Variants in ZNF511 observed in about 807,000 individuals in gnomAD.
The protein encoded by ZNF511 is zinc finger protein 511.
A neutral mutation model predicts 24.8 loss-of-function variants in ZNF511; 26 were observed. The observed-to-expected ratio is 1.05, with a 90% CI of 0.77 to 1.46. The LOEUF is 1.46. ZNF511 is among the 40% of genes most tolerant of loss of function. ZNF511 has a pLI of 0.00. For synonymous variants in ZNF511, 144 were observed against 139.6 expected, an observed-to-expected ratio of 1.03 and a Z score of -0.22; for missense variants, 358 against 345.0, an observed-to-expected ratio of 1.04 and a Z score of -0.30.
intron 1 of ZNF511, 34 bp downstream of exon 1, chr10:133,309,130 G>A: frequency 2.2e-6 from 3 of 1,359,928 alleles, no homozygotes; most frequent in Non-Finnish European, 2.9e-6. Context: ...AGTAGTTGTA[G>A]GATCCAGTGG....
At chr10:133,310,085 C>T in intron 3 of ZNF511, 79 bp from the exon 4 acceptor site, 1 of 1,611,012 alleles carries the variant, frequency 6.2e-7, no homozygotes, top group South Asian at 1.1e-5. Flanking sequence ...ACCTTTCCGC[C>T]CTTGGCAGCT....
At chr10:133,309,611 TC>T in intron 2 of ZNF511, 148 bp downstream of exon 2, 1 of 1,268,768 alleles carries the variant, frequency 7.9e-7, no homozygotes, top group Non-Finnish European at 1.1e-6. Flanking sequence ...GGCCGACTCT[TC>T]CACCACCTAG....
rs553947399 is a variant in ZNF511, at chr10:133,309,566, C to T, written c.227+103C>T. 1.8e-5 allele frequency: 25 copies of T among 1,381,670 alleles called. No homozygotes were observed. In the African/African-American group the frequency reaches 3.4e-4, roughly 19 times the overall value. 85.6% of individuals were successfully genotyped at this position (1,381,670 alleles called of 1,614,324 possible). ...CTGCCGCTCTTCCATGTGCGGCCGCCCCACCGAGGCGCTGTGCCTGTCCAG... is the reference window on the plus strand; with the variant it reads ...CTGCCGCTCTTCCATGTGCGGCCGCTCCACCGAGGCGCTGTGCCTGTCCAG... On this transcript the variant is annotated intron_variant, in intron 2 of 5. Coordinates refer to ENST00000361518, the MANE Select transcript of ZNF511 (RefSeq NM_145806.4).
chr10:133,311,768 G>A lies in ZNF511; in HGVS notation c.607G>A (p.Ala203Thr). The A allele has an allele frequency of 1.9e-6, 3 of 1,613,770 alleles. No homozygotes were observed. The highest frequency in any genetic ancestry group is 1.1e-5 in the South Asian group (1 of 91,084). Reference protein sequence around the residue: ...GDSGERSEGEAMEICSEPVAA... With the variant: ...GDSGERSEGETMEICSEPVAA... The stretch of plus-strand genomic sequence containing the variant: ...CAGTGGAGAGCGGTCAGAAGGGGAG[G>A]CCATGGAAATCTGCTCTGAGCCTGT... The change falls in exon 5 of 6, where the codon GCC (alanine) becomes ACC (threonine). Residue 203 changes from alanine to threonine, a missense_variant. Physicochemically the swap from Ala to Thr is moderately conservative, Grantham distance 58. Transcript: ENST00000361518.
intron 1 of ZNF511, 73 bp from the exon 2 acceptor site, chr10:133,309,317 G>A (rs1415246068): frequency 6.5e-7 from 1 of 1,533,206 alleles, no homozygotes; most frequent in Non-Finnish European, 8.9e-7. Flanking sequence ...GGGGCCACGG[G>A]TGTGGGCGAG....
rs747385206 is a variant in ZNF511, at chr10:133,311,994, A to G, written c.680+153A>G. On this transcript the variant is annotated intron_variant, in intron 5 of 5. Transcript: ENST00000361518. ...GCTTCCGCCAGAGAAGAAAGTCCAG[A>G]TATCTCAGGTCCTGTGAATAACTTA... 3.7e-6 allele frequency: 6 copies of G among 1,604,436 alleles called. No homozygotes were observed. In the South Asian group the frequency reaches 6.6e-5, roughly 18 times the overall value.
Position 133,309,784 on chromosome 10 carries a change from C to T in ZNF511, c.236C>T (p.Ala79Val), listed in dbSNP as rs746249082. The stretch of plus-strand genomic sequence containing the variant: ...GCACGTCTCCTTGGCAGGGTGCCCG[C>T]GTTTGCCTGCCAGGTGGCCGGCTGC... ...ADVPEKPRVPAFACQVAGCCQ... is the reference protein window; with the variant it reads ...ADVPEKPRVPVFACQVAGCCQ... Residue 79 changes from alanine to valine, a missense_variant, in exon 3 of 6, where the codon GCG (alanine) becomes GTG (valine). Physicochemically the swap from Ala to Val is moderately conservative, Grantham distance 64 (BLOSUM62 0). Coordinates refer to ENST00000361518, the MANE Select transcript of ZNF511 (RefSeq NM_145806.4). The T allele has an allele frequency of 1.8e-5, 29 of 1,612,996 alleles. No homozygotes were observed. Among genetic ancestry groups the T allele is most frequent in the Non-Finnish European group, 2.4e-5 (28 of 1,180,034 alleles).
intron 2 of ZNF511, 136 bp downstream of exon 2, chr10:133,309,599 G>A: frequency 6.3e-6 from 8 of 1,272,282 alleles, no homozygotes; most frequent in Non-Finnish European, 8.8e-6. Context: ...CAGCTTTGGC[G>A]TGGCCGACTC....
At chr10:133,309,549 C>G in intron 2 of ZNF511, 86 bp downstream of exon 2, 2 of 1,478,336 alleles carry the variant, frequency 1.4e-6, no homozygotes. Context: ...TGCTGCCGCT[C>G]TTCCATGTGC....
intron 1 of ZNF511, 33 bp from the exon 2 acceptor site, chr10:133,309,357 C>G: frequency 6.2e-7 from 1 of 1,600,866 alleles, no homozygotes; most frequent in Non-Finnish European, 8.5e-7. Context: ...CCGCGAGTCA[C>G]CTGGCCCCGC....
intron 4 of ZNF511, chr10:133,310,623 C>T (rs965106587): frequency 2.9e-6 from 1 of 344,834 alleles, no homozygotes; most frequent in Middle Eastern, 9.2e-4. Flanking sequence ...CCGTGGTCAT[C>T]CGCACTCACA....
intron 5 of ZNF511, chr10:133,312,122 C>G (rs925552218): frequency 6.9e-7 from 1 of 1,440,158 alleles, no homozygotes; most frequent in Non-Finnish European, 9.1e-7. Flanking sequence ...GTCTCACTTG[C>G]AGTTGCTTCA....
chr10:133,309,356 A>G (rs775458538), intron 1 of ZNF511, 34 bp from the exon 2 acceptor site: 12 of 1,599,980 alleles, frequency 7.5e-6, no homozygotes, highest in African/African-American at 1.3e-5. Flanking sequence ...GCCGCGAGTC[A>G]CCTGGCCCCG....
In ZNF511 at chr10:133,309,870, G is replaced by A. The variant is rs137889151; in HGVS notation, c.322G>A (p.Val108Ile). 1 of 1,613,846 alleles carries A rather than the reference G, an allele frequency of 6.2e-7. No individual in the cohort carries two copies. The highest frequency in any genetic ancestry group is 8.5e-7 in the Non-Finnish European group (1 of 1,180,042). ...CCACTACCACACGCTGCACGGAAAT[G>A]TTTGCTCCTTTTGCAAGCGGGCCTT... ...EHHYHTLHGN[V>I]CSFCKRAFPS... The change falls in exon 3 of 6, where the codon GTT (valine) becomes ATT (isoleucine). Residue 108 changes from valine to isoleucine, a missense_variant. Physicochemically the swap from Val to Ile is conservative, Grantham distance 29. Coordinates refer to ENST00000361518, the MANE Select transcript of ZNF511 (RefSeq NM_145806.4).
Position 133,309,796 on chromosome 10 carries a change from A to T in ZNF511, c.248A>T (p.Gln83Leu), listed in dbSNP as rs1376035655. 2.5e-6 allele frequency: 4 copies of T among 1,613,302 alleles called. No individual in the cohort carries two copies. Among genetic ancestry groups the T allele is most frequent in the Non-Finnish European group, 3.4e-6 (4 of 1,180,032 alleles). The part of the protein sequence containing the change: ...EKPRVPAFAC[Q>L]VAGCCQVFDA... ...GGCAGGGTGCCCGCGTTTGCCTGCC[A>T]GGTGGCCGGCTGCTGCCAGGTGTTC... is the stretch of plus-strand genomic sequence containing the variant. The change falls in exon 3 of 6, where the codon CAG becomes CTG. Residue 83 changes from glutamine (Q) to leucine (L), a missense_variant. Coordinates refer to ENST00000361518, the MANE Select transcript of ZNF511 (RefSeq NM_145806.4).
chr10:133,309,137 G>C (rs1847921111), intron 1 of ZNF511, 41 bp downstream of exon 1: 1 of 1,385,604 alleles, frequency 7.2e-7, no homozygotes, highest in Non-Finnish European at 9.4e-7. Context: ...GTAGGATCCA[G>C]TGGGGCCTAC....
Position 133,309,904 on chromosome 10 carries a change from G to T in ZNF511, c.356G>T (p.Gly119Val). The stretch of plus-strand genomic sequence containing the variant: ...TTTTGCAAGCGGGCCTTCCCTTCCG[G>T]ACACCTGCTGGACGCCCACATCCTG... ...CSFCKRAFPSGHLLDAHILEW... is the reference protein window; with the variant it reads ...CSFCKRAFPSVHLLDAHILEW... Residue 119 changes from glycine (G) to valine (V), a missense_variant, in exon 3 of 6, where the codon GGA (glycine) becomes GTA (valine). Gly to Val is a moderately radical substitution (Grantham distance 109, BLOSUM62 -3). Transcript: ENST00000361518. 6.2e-7 allele frequency: 1 copy of T among 1,613,646 alleles called. No individual in the cohort carries two copies. Among genetic ancestry groups the T allele is most frequent in the Non-Finnish European group, 8.5e-7 (1 of 1,180,018 alleles).
rs761465620 is a variant in ZNF511 at position 133,311,794 on chromosome 10, G to A, written c.633G>A (p.Val211=). 30 of 1,613,550 alleles carry A rather than the reference G, an allele frequency of 1.9e-5. No individual in the cohort carries two copies. Among genetic ancestry groups the A allele is most frequent in the Non-Finnish European group, 2.5e-5 (30 of 1,180,034 alleles). Reference sequence around the variant, plus strand: ...CCATGGAAATCTGCTCTGAGCCTGTGGCAGCCTCCCCTGCACCGGCAGGTG... The same window carrying A: ...CCATGGAAATCTGCTCTGAGCCTGTAGCAGCCTCCCCTGCACCGGCAGGTG... ...GEAMEICSEP[V]AASPAPAGER... Residue 211 remains valine, a synonymous_variant, in exon 5 of 6, where the codon GTG becomes GTA. Coordinates refer to ENST00000361518, the MANE Select transcript of ZNF511 (RefSeq NM_145806.4).
chr10:133,309,298 G>C, intron 1 of ZNF511, 92 bp from the exon 2 acceptor site: 1 of 1,475,256 alleles, frequency 6.8e-7, no homozygotes, highest in Non-Finnish European at 9.2e-7. Context: ...ACCGGAGCGC[G>C]GGATGACTGG....
Sources: gnomAD v4.1 joint callset for allele counts on GRCh38, gnomAD v4.1.1 for gene constraint, MANE v1.5 for transcripts, NCBI Gene and HGNC (gene_info 2026-07-23, HGNC 2026-07-21) for gene names.